Variants in GPD2 observed in about 807,000 individuals in gnomAD.
GPD2 encodes the protein glycerol-3-phosphate dehydrogenase, mitochondrial.
GPD2 carries 54 observed loss-of-function variants against 82.4 expected under a neutral mutation model. The ratio of observed to expected loss-of-function variants is 0.66; its 90% CI spans 0.53 to 0.82. GPD2 has a LOEUF of 0.82. Ranked by LOEUF, GPD2 falls within the 40% of genes least tolerant of loss-of-function variation. The pLI, the probability that GPD2 is intolerant of heterozygous loss-of-function variation, is 0.00. For missense variants in GPD2, 748 were observed against 896.2 expected (o/e 0.83, Z 2.11); for synonymous variants, 288 against 306.1 (o/e 0.94, Z 0.62).
At chr2:156,459,630 G>A (rs2105172215) in intron 1 of GPD2, among the ~76,000 whole-genome samples, 1 of 122,140 alleles carries the variant, frequency 8.2e-6, no homozygotes, top group Admixed American at 1.1e-4. Context: ...AGAGGTTGCA[G>A]TTAACTGAGA....
At chr2:156,564,742 C>T (rs550071166) in intron 9 of GPD2, among the ~76,000 whole-genome samples, 1 of 152,172 alleles carries the variant, frequency 6.6e-6, no homozygotes, top group South Asian at 2.1e-4. Context: ...AAGACTAATT[C>T]ATATTTTAAA....
At chr2:156,543,278 G>C (rs1686396284) in intron 6 of GPD2, among the ~76,000 whole-genome samples, 1 of 152,166 alleles carries the variant, frequency 6.6e-6, no homozygotes, top group South Asian at 2.1e-4. Context: ...TAAGCCTTGA[G>C]CACATTTCCT....
intron 2 of GPD2, among the ~76,000 whole-genome samples, chr2:156,493,113 A>G (rs1282387673): frequency 6.6e-6 from 1 of 152,082 alleles, no homozygotes; most frequent in Non-Finnish European, 1.5e-5. Context: ...AATTGGATAG[A>G]CCTAAGAGGA....
At chr2:156,471,951 G>A (rs1390769775) in intron 1 of GPD2, among the ~76,000 whole-genome samples, 1 of 152,206 alleles carries the variant, frequency 6.6e-6, no homozygotes, top group African/African-American at 2.4e-5. Context: ...AAGAATTAGA[G>A]CTAGCTCTGG....
intron 3 of GPD2, among the ~76,000 whole-genome samples, chr2:156,499,454 C>A (rs779603060): frequency 6.6e-6 from 1 of 152,078 alleles, no homozygotes; most frequent in African/African-American, 2.4e-5. Flanking sequence ...CATGAAGTTA[C>A]AAAGCCAGGC....
chr2:156,462,125 G>GA (rs1284778939), intron 1 of GPD2, among the ~76,000 whole-genome samples: 3 of 152,262 alleles, frequency 2.0e-5, no homozygotes, highest in African/African-American at 7.2e-5. Flanking sequence ...GGAGAGCACA[G>GA]AAAAATATAC....
At chr2:156,509,707 G>A (rs994698267) in intron 3 of GPD2, among the ~76,000 whole-genome samples, 2 of 150,908 alleles carry the variant, frequency 1.3e-5, no homozygotes, top group African/African-American at 4.9e-5. Flanking sequence ...GGGGGCATGG[G>A]CAACTTCTAG....
intron 6 of GPD2, among the ~76,000 whole-genome samples, chr2:156,545,582 A>G (rs1215642577): frequency 1.3e-5 from 2 of 152,246 alleles, no homozygotes; most frequent in Non-Finnish European, 2.9e-5. Flanking sequence ...GAGTTTCTAT[A>G]CTGGCAGGTA....
rs372116238 is a variant in GPD2, at chr2:156,538,302, AT to A, written c.662-11304del. Among the ~76,000 whole-genome samples the A allele has an allele frequency of 2.1e-3, 313 of 152,286 alleles. 1 individual carries two copies. The highest frequency in any genetic ancestry group is 7.2e-3 in the African/African-American group (298 of 41,546). Reference sequence around the variant, plus strand: ...TCACAGCCTATTGAATCATGAATTTATTACTTTAGGCAACAAATAGTTTAAC... The same window carrying A: ...TCACAGCCTATTGAATCATGAATTTATACTTTAGGCAACAAATAGTTTAAC... On this transcript the variant is annotated intron_variant, in intron 6 of 16. Transcript: ENST00000438166.
At chr2:156,574,635 G>A (rs1162452336) in intron 13 of GPD2, among the ~76,000 whole-genome samples, 1 of 151,996 alleles carries the variant, frequency 6.6e-6, no homozygotes, top group Non-Finnish European at 1.5e-5. Flanking sequence ...GGAAAAATGG[G>A]AGGCATGTGA....
chr2:156,541,662 A>G (rs1356391339), intron 6 of GPD2, among the ~76,000 whole-genome samples: 2 of 152,166 alleles, frequency 1.3e-5, no homozygotes, highest in East Asian at 1.9e-4. Flanking sequence ...TGCATTTCAC[A>G]AACAAGGAAG....
intron 2 of GPD2, among the ~76,000 whole-genome samples, chr2:156,490,404 A>T (rs868776847): frequency 0.02 from 2,965 of 151,998 alleles, 86 homozygotes; most frequent in African/African-American, 0.066. Flanking sequence ...AAAAAAAACA[A>T]AAATAAAATG....
At chr2:156,492,563 A>G (rs527470084) in intron 2 of GPD2, among the ~76,000 whole-genome samples, 1 of 152,086 alleles carries the variant, frequency 6.6e-6, no homozygotes, top group Non-Finnish European at 1.5e-5. Flanking sequence ...ATACATGGAA[A>G]TGACATTATT....
intron 2 of GPD2, among the ~76,000 whole-genome samples, chr2:156,488,347 A>C (rs1245466290): frequency 6.6e-6 from 1 of 152,224 alleles, no homozygotes; most frequent in East Asian, 1.9e-4. Flanking sequence ...AAATATGGTT[A>C]GTCTTTTTTA....
intron 8 of GPD2, among the ~76,000 whole-genome samples, chr2:156,554,077 A>G (rs1686868626): frequency 6.6e-6 from 1 of 152,136 alleles, no homozygotes; most frequent in Non-Finnish European, 1.5e-5. Flanking sequence ...TTCTCTTTGG[A>G]TTGTGACCTA....
chr2:156,428,236 T>C, the GPD2 span, among the ~76,000 whole-genome samples: 1 of 152,194 alleles, frequency 6.6e-6, no homozygotes, highest in East Asian at 1.9e-4. Flanking sequence ...CTTTGCTTTC[T>C]ACCTACTGCA....
chr2:156,493,411 A>AG (rs1573927009), intron 2 of GPD2, among the ~76,000 whole-genome samples: 1 of 152,118 alleles, frequency 6.6e-6, no homozygotes, highest in Non-Finnish European at 1.5e-5. Context: ...TTTTTAGGAT[A>AG]GTTGTTAGAG....
At position 156,584,636 on chromosome 2, in the gene GPD2, G is replaced by A. The variant is rs1320007944; in HGVS notation, c.*1718G>A. 6.6e-6 allele frequency: 1 copy of A among 152,446 alleles called. No homozygotes were observed. The highest frequency in any genetic ancestry group is 1.5e-5 in the Non-Finnish European group (1 of 67,958). The allele number at this position is 152,446 out of a possible 1,614,324, so 9.4% of individuals were successfully genotyped here. A position where few individuals can be genotyped will look rare whatever the true frequency, so the allele number is the denominator to read the frequency against. On this transcript the variant is annotated 3_prime_UTR_variant, in exon 17 of 17. Transcript: ENST00000438166. ...AGGGAAATCCTAAAACAGAGCAAGT[G>A]ATGCTCCCAGGTATCACTGTGAACT...
chr2:156,401,233 T>A, the GPD2 span, among the ~76,000 whole-genome samples: 1 of 152,234 alleles, frequency 6.6e-6, no homozygotes, highest in Non-Finnish European at 1.5e-5. Flanking sequence ...GCAAATGTGC[T>A]TTTCTATTGC....
Sources: allele counts gnomAD v4.1 joint callset (sites outside exome capture counted in the v4.1 genomes callset), GRCh38; gene constraint gnomAD v4.1.1; transcripts MANE v1.5; gene names NCBI Gene and HGNC (gene_info 2026-07-23, HGNC 2026-07-21).